The following KCNU1 variants were observed in gnomAD, a reference collection of about 807,000 sequenced individuals.
The protein encoded by KCNU1 is potassium calcium-activated channel subfamily U member 1.
A neutral mutation model predicts 126.8 loss-of-function variants in KCNU1; 93 were observed. The ratio of observed to expected loss-of-function variants is 0.73; its 90% CI spans 0.62 to 0.87. The LOEUF (loss-of-function observed/expected upper bound fraction) is 0.87, where lower values mean the gene tolerates loss of function less well. Among genes scored for constraint, KCNU1 ranks in the 40% least tolerant of loss-of-function variants. The pLI is 0.00. For missense variants in KCNU1, 1,330 were observed against 1,367.1 expected, an observed-to-expected ratio of 0.97 and a Z score of 0.43; for synonymous variants, 523 against 494.2, an observed-to-expected ratio of 1.06 and a Z score of -0.77.
At chr8:36,835,973 A>G (rs190891167) in intron 12 of KCNU1, among the ~76,000 whole-genome samples, 104 of 152,314 alleles carry the variant, frequency 6.8e-4, no homozygotes, top group Admixed American at 1.4e-3. Context: ...TTCTATTTTT[A>G]CCTGTAATTA....
At chr8:36,866,729 C>A (rs1407986676) in intron 19 of KCNU1, among the ~76,000 whole-genome samples, 1 of 152,016 alleles carries the variant, frequency 6.6e-6, no homozygotes, top group Non-Finnish European at 1.5e-5. Context: ...TCCATGCTGT[C>A]TAGATGGGTG....
At chr8:36,817,543 C>A in intron 9 of KCNU1, 107 bp from the exon 10 acceptor site, 3 of 528,182 alleles carry the variant, frequency 5.7e-6, no homozygotes, top group South Asian at 2.7e-5. Flanking sequence ...GATGCAAATA[C>A]CATATTTATT....
rs1803974777 is a variant in KCNU1 at position 36,817,745 on chromosome 8, T to C, written c.1091T>C (p.Ile364Thr). Reference sequence around the variant, plus strand: ...AAGTCAGGAGAGATCAACACTGAAATTGTTTTCCTGGGAGAGTAAGTATAT... The same window carrying C: ...AAGTCAGGAGAGATCAACACTGAAACTGTTTTCCTGGGAGAGTAAGTATAT... ...RDKSGEINTE[I>T]VFLGETPPSL... The change falls in exon 10 of 27, where the codon ATT becomes ACT. Residue 364 changes from isoleucine (I) to threonine (T), a missense_variant. By Grantham distance (89) the Ile-to-Thr change is moderately conservative. Coordinates refer to ENST00000399881, the MANE Select transcript of KCNU1 (RefSeq NM_001031836.3). The C allele has an allele frequency of 1.9e-6, 3 of 1,595,548 alleles. No individual in the cohort carries two copies. The highest frequency in any genetic ancestry group is 2.6e-6 in the Non-Finnish European group (3 of 1,163,172).
chr8:36,834,351 T>C (rs929940342), intron 11 of KCNU1, among the ~76,000 whole-genome samples: 5 of 152,194 alleles, frequency 3.3e-5, no homozygotes, highest in African/African-American at 1.2e-4. Flanking sequence ...ACTTTGAAAT[T>C]CACACTCCAC....
intron 2 of KCNU1, among the ~76,000 whole-genome samples, chr8:36,798,183 C>T (rs185360930): frequency 7.2e-5 from 11 of 152,290 alleles, no homozygotes; most frequent in Admixed American, 7.2e-4. Flanking sequence ...TGCTGGACTC[C>T]TTCCTCTTAG....
At chr8:36,803,377 A>C (rs1461383558) in intron 2 of KCNU1, among the ~76,000 whole-genome samples, 1 of 152,186 alleles carries the variant, frequency 6.6e-6, no homozygotes, top group Non-Finnish European at 1.5e-5. Context: ...TTAACCTCAA[A>C]TATCATGAAA....
chr8:36,885,784 C>T (rs757934733), intron 19 of KCNU1, among the ~76,000 whole-genome samples: 3 of 151,908 alleles, frequency 2.0e-5, no homozygotes, highest in Non-Finnish European at 2.9e-5. Flanking sequence ...CAGAGCAAGA[C>T]TCTGTCTAAA....
chr8:36,933,004 G>T lies in KCNU1; in HGVS notation c.3016G>T (p.Glu1006Ter). 1 of 1,564,026 alleles carries T rather than the reference G, an allele frequency of 6.4e-7. No homozygotes were observed. Among genetic ancestry groups the T allele is most frequent in the Non-Finnish European group, 8.7e-7 (1 of 1,152,084 alleles). The change falls in exon 26 of 27, where the codon GAA becomes TAA. Residue 1006 changes from glutamate to a stop codon, truncating the protein, a stop_gained. Transcript: ENST00000399881. LOFTEE classifies it low-confidence loss of function (END_TRUNC). ...TGTTGGCTTATACCGAATAATTGAT[G>T]AAGAGGAGCTCAACCCAGAAAACAA... ...LCVGLYRIID[E>*]EELNPENKRF... is the part of the protein sequence containing the mutation.
intron 1 of KCNU1, among the ~76,000 whole-genome samples, chr8:36,786,322 T>A (rs1291212440): frequency 6.6e-6 from 1 of 152,222 alleles, no homozygotes; most frequent in African/African-American, 2.4e-5. Flanking sequence ...TCTATATTAA[T>A]GTCATACCTA....
At chr8:36,907,582 A>G (rs1807682425) in intron 20 of KCNU1, among the ~76,000 whole-genome samples, 1 of 152,188 alleles carries the variant, frequency 6.6e-6, no homozygotes, top group Non-Finnish European at 1.5e-5. Flanking sequence ...TTCCCCTCGC[A>G]GGGAGATCTC....
chr8:36,844,088 G>A (rs1047831337), intron 16 of KCNU1, among the ~76,000 whole-genome samples: 2 of 152,052 alleles, frequency 1.3e-5, no homozygotes, highest in Admixed American at 6.6e-5. Flanking sequence ...TTAAAAAAAT[G>A]AAAGGAGCGG....
intron 8 of KCNU1, among the ~76,000 whole-genome samples, chr8:36,814,738 C>T (rs1803845983): frequency 6.6e-6 from 1 of 152,154 alleles, no homozygotes; most frequent in South Asian, 2.1e-4. Flanking sequence ...AATTCCATTC[C>T]TCCCAGCTCA....
chr8:36,888,524 G>A (rs1806808988), intron 19 of KCNU1: 1 of 531,878 alleles, frequency 1.9e-6, no homozygotes. Context: ...GATGTTCTCT[G>A]ACATTTACAA....
At chr8:36,837,433 C>A (rs4739328) in intron 14 of KCNU1, among the ~76,000 whole-genome samples, 16,144 of 152,024 alleles carry the variant, frequency 0.11, 1,167 homozygotes, top group Non-Finnish European at 0.16. Flanking sequence ...GCATTCCATG[C>A]AGGAATAATA....
chr8:36,807,321 C>T (rs886969576), intron 5 of KCNU1, 54 bp from the exon 6 acceptor site: 2 of 1,225,906 alleles, frequency 1.6e-6, no homozygotes, highest in African/African-American at 3.0e-5. Flanking sequence ...ACGTAGGCTC[C>T]CTCTGGAGTG....
chr8:36,846,392 A>G (rs1488289114), intron 18 of KCNU1, among the ~76,000 whole-genome samples: 1 of 152,186 alleles, frequency 6.6e-6, no homozygotes, highest in South Asian at 2.1e-4. Context: ...GAGGGAATGT[A>G]ATTTTCTCTA....
intron 24 of KCNU1, chr8:36,929,166 G>C: frequency 1.9e-6 from 1 of 535,860 alleles, no homozygotes; most frequent in East Asian, 3.2e-5. Flanking sequence ...TGGATCTCTT[G>C]AGGTCAGGAG....
intron 10 of KCNU1, among the ~76,000 whole-genome samples, chr8:36,833,129 A>G (rs1397652174): frequency 6.6e-6 from 1 of 152,078 alleles, no homozygotes; most frequent in African/African-American, 2.4e-5. Context: ...AGTTCCTCTA[A>G]ATGTTCTTTT....
In KCNU1 at chr8:36,834,810, A is replaced by C. The variant is rs377269265; in HGVS notation, c.1237A>C (p.Ile413Leu). 1 of 1,611,990 alleles carries C rather than the reference A, an allele frequency of 6.2e-7. No individual in the cohort carries two copies. The highest frequency in any genetic ancestry group is 8.5e-7 in the Non-Finnish European group (1 of 1,178,674). The change falls in exon 12 of 27, where the codon ATT (isoleucine) becomes CTT (leucine). Residue 413 changes from isoleucine to leucine, a missense_variant. Coordinates refer to ENST00000399881, the MANE Select transcript of KCNU1 (RefSeq NM_001031836.3). ...GGTGGAATCTGCAGAGGCATGCCTG[A>C]TTATAGCCAATCCTTTGTGCAGTGA... ...VAVESAEACL[I>L]IANPLCSDSH...
Sources: allele counts gnomAD v4.1 joint callset (sites outside exome capture counted in the v4.1 genomes callset), GRCh38; gene constraint gnomAD v4.1.1; transcripts MANE v1.5; gene names NCBI Gene and HGNC (gene_info 2026-07-23, HGNC 2026-07-21).